MFHAS1: variants seen among roughly 807,000 people sequenced by gnomAD.
MFHAS1 encodes multifunctional ROCO family signaling regulator 1.
In MFHAS1, 50 loss-of-function variants were observed where a neutral mutation model predicts 70.4. The ratio of observed to expected loss-of-function variants is 0.71; its 90% CI spans 0.57 to 0.90. The LOEUF is 0.90. Among genes scored for constraint, MFHAS1 ranks in the 40% least tolerant of loss-of-function variants. The probability of loss-of-function intolerance (pLI) is 0.00; values close to 1 mark genes in which losing one functional copy is unlikely to be tolerated. For synonymous variants in MFHAS1, 952 were observed against 620.0 expected (o/e 1.54, Z -7.96); for missense variants, 1,795 against 1,347.6 (o/e 1.33, Z -5.20).
chr8:8,887,490 C>CA lies in MFHAS1; in HGVS notation c.2998+2570dup, dbSNP rs893265651. ...GCTACTTTTGAAAAACAACACAATT[C>CA]AAAAAAAAACAAAAAGACTATAAGA... is the stretch of plus-strand genomic sequence containing the variant. On this transcript the variant is annotated intron_variant, in intron 1 of 2. Coordinates refer to ENST00000276282, the MANE Select transcript of MFHAS1 (RefSeq NM_004225.3). 9.0e-5 allele frequency among the ~76,000 whole-genome samples: 13 copies of CA among 143,672 alleles called. 1 individual carries two copies. Among genetic ancestry groups the CA allele is most frequent in the South Asian group, 4.4e-4 (2 of 4,544 alleles). The allele number at this position is 143,672 out of a possible 152,430, so 94.3% of individuals were successfully genotyped here. A position where few individuals can be genotyped will look rare whatever the true frequency, so the allele number is the denominator to read the frequency against.
intron 1 of MFHAS1, among the ~76,000 whole-genome samples, chr8:8,874,331 TACACACACACACACACACACAC>T (rs35271686): frequency 1.4e-5 from 2 of 144,694 alleles, no homozygotes; most frequent in South Asian, 2.2e-4. Context: ...TATAACATTC[TACACACACACACACACACACAC>T]ACACACACAC....
At chr8:8,880,019 T>C (rs1242013660) in intron 1 of MFHAS1, among the ~76,000 whole-genome samples, 1 of 152,226 alleles carries the variant, frequency 6.6e-6, no homozygotes, top group Non-Finnish European at 1.5e-5. Context: ...GTACTTCTCT[T>C]CTACGTGTTC....
chr8:8,862,482 G>A (rs1808704460), intron 1 of MFHAS1, among the ~76,000 whole-genome samples: 1 of 150,896 alleles, frequency 6.6e-6, no homozygotes, highest in Non-Finnish European at 1.5e-5. Context: ...AAGACCCAAA[G>A]TTTTAAATTT....
Position 8,890,541 on chromosome 8 carries a change from G to T in MFHAS1, c.2518C>A (p.Pro840Thr). Residue 840 changes from proline to threonine, a missense_variant, in exon 1 of 3, where the codon CCT becomes ACT. By Grantham distance (38) the Pro-to-Thr change is conservative. Transcript: ENST00000276282. Reference protein sequence around the residue: ...CYCLNKPKGKPLNGSTAWYKF... With the variant: ...CYCLNKPKGKTLNGSTAWYKF... ...TACCAAGCTGTGGACCCATTCAAAG[G>T]CTTGCCCTTGGGTTTATTGAGGCAG... 1.2e-6 allele frequency: 2 copies of T among 1,613,422 alleles called. No homozygotes were observed. Among genetic ancestry groups the T allele is most frequent in the Non-Finnish European group, 1.7e-6 (2 of 1,180,044 alleles).
At chr8:8,883,003 A>C (rs566525324) in intron 1 of MFHAS1, among the ~76,000 whole-genome samples, 4 of 152,090 alleles carry the variant, frequency 2.6e-5, no homozygotes, top group South Asian at 4.2e-4. Context: ...AAATACAAAA[A>C]TTAGCCAGGC....
At chr8:8,877,606 G>A (rs964395659) in intron 1 of MFHAS1, among the ~76,000 whole-genome samples, 11 of 152,154 alleles carry the variant, frequency 7.2e-5, no homozygotes, top group Admixed American at 6.5e-5. Flanking sequence ...CCTCTACTCC[G>A]ACATAGTGAA....
chr8:8,796,045 A>T (rs1307060137), intron 2 of MFHAS1, among the ~76,000 whole-genome samples: 3 of 152,196 alleles, frequency 2.0e-5, no homozygotes, highest in Non-Finnish European at 2.9e-5. Context: ...AGTAACAGGC[A>T]TTTCATCTCA....
At chr8:8,798,049 T>G (rs1336767715) in intron 1 of MFHAS1, among the ~76,000 whole-genome samples, 1 of 152,236 alleles carries the variant, frequency 6.6e-6, no homozygotes, top group Non-Finnish European at 1.5e-5. Context: ...GTGAAGCAGA[T>G]GCACGACACA....
intron 1 of MFHAS1, among the ~76,000 whole-genome samples, chr8:8,840,429 C>G (rs1200956546): frequency 6.7e-6 from 1 of 148,882 alleles, no homozygotes; most frequent in Non-Finnish European, 1.5e-5. Flanking sequence ...TGCACTCTAG[C>G]CTGGGCCACA....
rs890209760 is a variant in MFHAS1, at chr8:8,799,462, G to C, written c.2999-1971C>G. On this transcript the variant is annotated intron_variant, in intron 1 of 2. Transcript: ENST00000276282. ...TGATATGAAATTCCTTTGCTTCAAA[G>C]TACTGTATTTCTGGCTGGGACAGTG... is the stretch of plus-strand genomic sequence containing the variant. Among the ~76,000 whole-genome samples, 4 of 152,164 alleles carry C rather than the reference G, an allele frequency of 2.6e-5. No individual in the cohort carries two copies. The South Asian group carries it at 6.2e-4, about 24-fold the overall frequency.
At chr8:8,834,702 T>G (rs1807534632) in intron 1 of MFHAS1, among the ~76,000 whole-genome samples, 1 of 152,192 alleles carries the variant, frequency 6.6e-6, no homozygotes, top group Non-Finnish European at 1.5e-5. Context: ...AATGACACAT[T>G]TCTCAGTATC....
chr8:8,831,295 A>G (rs149846465), intron 1 of MFHAS1, among the ~76,000 whole-genome samples: 3 of 152,176 alleles, frequency 2.0e-5, no homozygotes, highest in East Asian at 3.9e-4. Flanking sequence ...GGGAGTCACA[A>G]ATCAGTCCCA....
chr8:8,867,480 C>A (rs1186306973), intron 1 of MFHAS1, among the ~76,000 whole-genome samples: 1 of 152,022 alleles, frequency 6.6e-6, no homozygotes, highest in Non-Finnish European at 1.5e-5. Flanking sequence ...TATTATTAAT[C>A]CAACCCCAGA....
chr8:8,892,036 C>A lies in MFHAS1; in HGVS notation c.1023G>T (p.Leu341=). The change falls in exon 1 of 3, where the codon CTG becomes CTT. Residue 341 remains leucine, a synonymous_variant. Coordinates refer to ENST00000276282, the MANE Select transcript of MFHAS1 (RefSeq NM_004225.3). The surrounding 1 kb of genome is among the most constrained non-coding windows in gnomAD (Gnocchi z 4.7). ...GCAGCACGAGCTCCTCCAGGCCGGT[C>A]AGCTCCACGATGGAGTCCGGCAGGT... ...IRYLPDSIVE[L]TGLEELVLQG... The A allele has an allele frequency of 1.2e-6, 2 of 1,613,462 alleles. No homozygotes were observed. Among genetic ancestry groups the A allele is most frequent in the South Asian group, 1.1e-5 (1 of 91,066 alleles).
At chr8:8,864,780 G>T (rs1448965436) in intron 1 of MFHAS1, among the ~76,000 whole-genome samples, 2 of 152,030 alleles carry the variant, frequency 1.3e-5, no homozygotes, top group African/African-American at 4.8e-5. Context: ...CACACCTACA[G>T]GCACTAGGGA....
intron 1 of MFHAS1, among the ~76,000 whole-genome samples, chr8:8,880,464 C>T (rs577344457): frequency 6.6e-6 from 1 of 152,268 alleles, no homozygotes; most frequent in African/African-American, 2.4e-5. Flanking sequence ...CAGCATCAGT[C>T]ATCAGGGCTT....
chr8:8,831,939 G>A (rs553410419), intron 1 of MFHAS1, among the ~76,000 whole-genome samples: 2 of 152,022 alleles, frequency 1.3e-5, no homozygotes, highest in Non-Finnish European at 2.9e-5. Flanking sequence ...AAGAGCCCAG[G>A]CAATTTAAAG....
intron 1 of MFHAS1, among the ~76,000 whole-genome samples, chr8:8,889,332 G>C (rs1013133068): frequency 6.6e-6 from 1 of 152,270 alleles, no homozygotes; most frequent in South Asian, 2.1e-4. Flanking sequence ...TGGGCGGAGG[G>C]GAGCAGCAGC....
intron 1 of MFHAS1, among the ~76,000 whole-genome samples, chr8:8,814,730 G>C (rs1806673078): frequency 6.6e-6 from 1 of 151,980 alleles, no homozygotes; most frequent in African/African-American, 2.4e-5. Context: ...AGTTCTAACA[G>C]GCACCAAAGA....
Sources: gnomAD v4.1 joint callset for allele counts (sites outside exome capture counted in the v4.1 genomes callset) on GRCh38, gnomAD v4.1.1 for gene constraint, Gnocchi (gnomAD v3.1) non-coding constraint, MANE v1.5 for transcripts, NCBI Gene and HGNC (gene_info 2026-07-23, HGNC 2026-07-21) for gene names.